The following NRDC variants were observed in gnomAD, a reference collection of about 807,000 sequenced individuals.
NRDC encodes the protein nardilysin.
Under a neutral mutation model 147.1 loss-of-function variants are expected in NRDC, and 54 were observed. The observed-to-expected ratio is 0.37, with a 90% CI of 0.29 to 0.46. NRDC has a LOEUF of 0.46. Ranked by LOEUF, NRDC falls within the 20% of genes least tolerant of loss-of-function variation. The pLI is 1.00. For missense variants in NRDC, 1,082 were observed against 1,370.6 expected (o/e 0.79, Z 3.33); for synonymous variants, 440 against 482.1 (o/e 0.91, Z 1.14).
rs116731377 is a variant in NRDC at position 51,824,730 on chromosome 1, G to A, written c.1036+557C>T. ...TTGACAAATGGAAATGTCAGGCTGA[G>A]GTAGAGCACAGACTTTATAATCAGA... On this transcript the variant is annotated intron_variant, in intron 6 of 30. Transcript: ENST00000352171. 8.7e-3 allele frequency among the ~76,000 whole-genome samples: 1,331 copies of A among 152,326 alleles called. 23 individuals carry two copies. The highest frequency in any genetic ancestry group is 0.031 in the African/African-American group (1,274 of 41,570).
chr1:51,811,786 T>A (rs1304553335), intron 15 of NRDC, among the ~76,000 whole-genome samples: 1 of 152,190 alleles, frequency 6.6e-6, no homozygotes, highest in Non-Finnish European at 1.5e-5. Flanking sequence ...GTACTGAGTT[T>A]GATTTTCTCC....
intron 11 of NRDC, 53 bp downstream of exon 11, chr1:51,816,259 T>G: frequency 8.5e-7 from 1 of 1,171,200 alleles, no homozygotes; most frequent in Non-Finnish European, 1.2e-6. Flanking sequence ...ACTTATTGTC[T>G]ACTATTTTTC....
At chr1:51,849,853 A>G (rs957943222) in intron 1 of NRDC, among the ~76,000 whole-genome samples, 9 of 150,850 alleles carry the variant, frequency 6.0e-5, no homozygotes, top group Admixed American at 4.0e-4. Context: ...AAGGAAGAAC[A>G]AGGGGAAGGA....
intron 7 of NRDC, 152 bp downstream of exon 7, chr1:51,823,512 C>G (rs1680303218): frequency 5.2e-6 from 3 of 581,360 alleles, no homozygotes; most frequent in South Asian, 9.0e-5. Flanking sequence ...TTGCCACTAG[C>G]TACGTGACAT....
chr1:51,864,068 C>T (rs1212337063), intron 1 of NRDC, among the ~76,000 whole-genome samples: 1 of 152,110 alleles, frequency 6.6e-6, no homozygotes, highest in African/African-American at 2.4e-5. Context: ...TTTACTGATA[C>T]AACACTGAAG....
chr1:51,877,240 G>GCT (rs1683376287), intron 1 of NRDC, among the ~76,000 whole-genome samples: 1 of 152,138 alleles, frequency 6.6e-6, no homozygotes, highest in African/African-American at 2.4e-5. Context: ...TCAGATAGTA[G>GCT]GGGTCATCAT....
chr1:51,861,515 T>C (rs899969580), intron 1 of NRDC, among the ~76,000 whole-genome samples: 1 of 125,652 alleles, frequency 8.0e-6, no homozygotes, highest in Non-Finnish European at 1.6e-5. Flanking sequence ...ATTATTATTT[T>C]TTTTTATTTT....
At position 51,794,575 on chromosome 1, in the gene NRDC, G is replaced by C; in HGVS notation, c.2672C>G (p.Pro891Arg). ...CAGCTCTACCACCTGGAACTGCACAGGCATCTCCTGCTCCAGAGGCTTGAA... is the reference window on the plus strand; with the variant it reads ...CAGCTCTACCACCTGGAACTGCACACGCATCTCCTGCTCCAGAGGCTTGAA... The part of the protein sequence containing the change: ...LNFKPLEQEM[P>R]VQFQVVELPS... The change falls in exon 24 of 31, where the codon CCT becomes CGT. Residue 891 changes from proline to arginine, a missense_variant. Around this residue, in one of 3 missense-constraint regions of NRDC, gnomAD observed 635 missense variants for 923.8 expected, o/e 0.69. Transcript: ENST00000352171. 6.2e-7 allele frequency: 1 copy of C among 1,614,178 alleles called. No homozygotes were observed. Among genetic ancestry groups the C allele is most frequent in the Non-Finnish European group, 8.5e-7 (1 of 1,180,016 alleles).
intron 1 of NRDC, among the ~76,000 whole-genome samples, chr1:51,857,586 C>T (rs998253156): frequency 6.6e-6 from 1 of 152,204 alleles, no homozygotes; most frequent in Admixed American, 6.5e-5. Flanking sequence ...GGTAAGTTCT[C>T]GCTGAGATTC....
At chr1:51,820,221 C>A (rs747858833) in intron 8 of NRDC, among the ~76,000 whole-genome samples, 15 of 152,142 alleles carry the variant, frequency 9.9e-5, no homozygotes, top group Non-Finnish European at 1.8e-4. Flanking sequence ...AGAGATAATA[C>A]TTTTTTAAAA....
At chr1:51,866,831 T>C (rs1202895604) in intron 1 of NRDC, among the ~76,000 whole-genome samples, 1 of 152,040 alleles carries the variant, frequency 6.6e-6, no homozygotes, top group African/African-American at 2.4e-5. Flanking sequence ...ATAGAACTAG[T>C]ACGGTATATA....
At chr1:51,831,799 GAATTCCTGGGCTCA>G (rs1557917117) in intron 4 of NRDC, among the ~76,000 whole-genome samples, 1 of 151,418 alleles carries the variant, frequency 6.6e-6, no homozygotes, top group Non-Finnish European at 1.5e-5. Context: ...GGCTGGTCTC[GAATTCCTGGGCTCA>G]AGTGATCCAC....
intron 4 of NRDC, among the ~76,000 whole-genome samples, chr1:51,828,643 A>C (rs1226848205): frequency 6.6e-6 from 1 of 152,096 alleles, no homozygotes; most frequent in Non-Finnish European, 1.5e-5. Flanking sequence ...AAAATTATTC[A>C]AAGATTGGTG....
At chr1:51,873,797 C>T (rs1683197768) in intron 1 of NRDC, among the ~76,000 whole-genome samples, 1 of 151,868 alleles carries the variant, frequency 6.6e-6, no homozygotes, top group Non-Finnish European at 1.5e-5. Context: ...AGGCGTGAGC[C>T]CCCACGCCCA....
chr1:51,809,348 C>A lies in NRDC; in HGVS notation c.1957G>T (p.Asp653Tyr), dbSNP rs1679608739. 1 of 1,613,850 alleles carries A rather than the reference C, an allele frequency of 6.2e-7. No individual in the cohort carries two copies. Among genetic ancestry groups the A allele is most frequent in the Non-Finnish European group, 8.5e-7 (1 of 1,179,820 alleles). Reference protein sequence around the residue: ...LWNSNFELNPDLHLPAENKYI... With the variant: ...LWNSNFELNPYLHLPAENKYI... ...TTGTTTTCAGCTGGAAGATGAAGAT[C>A]TGGATTTAATTCGAAATTACTATTC... is the stretch of plus-strand genomic sequence containing the variant. Residue 653 changes from aspartate (D) to tyrosine (Y), a missense_variant, in exon 17 of 31, where the codon GAT becomes TAT. Coordinates refer to ENST00000352171, the MANE Select transcript of NRDC (RefSeq NM_001101662.2).
At chr1:51,790,828 G>T in intron 28 of NRDC, 72 bp downstream of exon 28, 1 of 1,310,206 alleles carries the variant, frequency 7.6e-7, no homozygotes, top group Non-Finnish European at 1.1e-6. Context: ...ACTGGCCGGC[G>T]AAGCCCTGTT....
chr1:51,791,489 A>T, intron 27 of NRDC, 89 bp downstream of exon 27: 1 of 1,051,586 alleles, frequency 9.5e-7, no homozygotes, highest in Non-Finnish European at 1.5e-6. Context: ...CTGCTTGGTC[A>T]GGGTTGCCCA....
In NRDC at chr1:51,878,368, G is replaced by T. The variant is rs1463406431; in HGVS notation, c.248C>A (p.Ala83Glu). ...GENSRVARLG[A>E]DESEEEGRRG... ...CCGTCCCTCTTCCTCAGATTCATCCGCTCCTAGACGGGCAACCCGGCTGTT... is the reference window on the plus strand; with the variant it reads ...CCGTCCCTCTTCCTCAGATTCATCCTCTCCTAGACGGGCAACCCGGCTGTT... Residue 83 changes from alanine (A) to glutamate (E), a missense_variant, in exon 1 of 31, where the codon GCG (alanine) becomes GAG (glutamate). Transcript: ENST00000352171. The T allele has an allele frequency of 6.2e-7, 1 of 1,614,012 alleles. No homozygotes were observed. The highest frequency in any genetic ancestry group is 1.3e-5 in the African/African-American group (1 of 74,924).
At chr1:51,857,485 A>C (rs1424034200) in intron 1 of NRDC, among the ~76,000 whole-genome samples, 1 of 152,182 alleles carries the variant, frequency 6.6e-6, no homozygotes, top group Admixed American at 6.5e-5. Flanking sequence ...AAGGTTTTCA[A>C]CAGATGTCAT....
Sources: gnomAD v4.1 joint callset for allele counts (sites outside exome capture counted in the v4.1 genomes callset) on GRCh38, gnomAD v4.1.1 for gene constraint, gnomAD v4.1.1 regional missense constraint, MANE v1.5 for transcripts, NCBI Gene and HGNC (gene_info 2026-07-23, HGNC 2026-07-21) for gene names.